The following WASHC2A variants were observed in gnomAD, a reference collection of about 807,000 sequenced individuals.
The protein encoded by WASHC2A is WASH complex subunit FAM21A.
In WASHC2A, 82 loss-of-function variants were observed where a neutral mutation model predicts 140.3. That is an observed-to-expected ratio of 0.58 (90% confidence interval 0.49 to 0.70). The LOEUF (loss-of-function observed/expected upper bound fraction) is 0.70, where lower values mean the gene tolerates loss of function less well. WASHC2A is among the 30% of genes least tolerant of loss of function. The pLI is 0.00. For synonymous variants in WASHC2A, 340 were observed against 560.8 expected, an observed-to-expected ratio of 0.61 and a Z score of 5.56; for missense variants, 985 against 1,521.8, an observed-to-expected ratio of 0.65 and a Z score of 5.87.
Position 50,090,841 on chromosome 10 carries a change from G to A in WASHC2A, c.798G>A (p.Glu266=). 1 of 1,611,650 alleles carries A rather than the reference G, an allele frequency of 6.2e-7. No individual in the cohort carries two copies. The highest frequency in any genetic ancestry group is 8.5e-7 in the Non-Finnish European group (1 of 1,179,816). ...GCTGTGACCTTTTCGCTGACTCTGAGAAGGAGGAGGAAGATATTGAGGACA... is the reference window on the plus strand; with the variant it reads ...GCTGTGACCTTTTCGCTGACTCTGAAAAGGAGGAGGAAGATATTGAGGACA... ...DDGCDLFADS[E]KEEEDIEDIE... Residue 266 remains glutamate, a synonymous_variant, in exon 9 of 31, where the codon GAG becomes GAA. Transcript: ENST00000282633.
At chr10:50,109,178 G>T (rs1370069295) in intron 19 of WASHC2A, among the ~76,000 whole-genome samples, 1 of 152,212 alleles carries the variant, frequency 6.6e-6, no homozygotes, top group Non-Finnish European at 1.5e-5. Context: ...ACTCCAGTTT[G>T]ATTTGCAAGA....
intron 15 of WASHC2A, 148 bp downstream of exon 15, chr10:50,095,926 A>G: frequency 2.3e-6 from 2 of 857,038 alleles, no homozygotes; most frequent in Non-Finnish European, 3.5e-6. Context: ...GTCTGTACTT[A>G]CATAGGTGTG....
At position 50,091,451 on chromosome 10, in the gene WASHC2A, G is replaced by A. The variant is rs1179774717; in HGVS notation, c.864G>A (p.Ser288=). 1.4e-5 allele frequency: 22 copies of A among 1,550,262 alleles called. No homozygotes were observed. Among genetic ancestry groups the A allele is most frequent in the Admixed American group, 7.8e-5 (4 of 51,000 alleles). ...TGTAGAAAAGAAGCAGACCTACATC[G>A]TTTGCAGATGAGCTGGCTGCCCGCA... ...NTRPKRSRPT[S]FADELAARIK... Residue 288 remains serine (S), a synonymous_variant, in exon 10 of 31, where the codon TCG becomes TCA. Coordinates refer to ENST00000282633, the MANE Select transcript of WASHC2A (RefSeq NM_001005751.3).
At chr10:50,072,266 G>T (rs1241041801) in intron 3 of WASHC2A, among the ~76,000 whole-genome samples, 1 of 150,390 alleles carries the variant, frequency 6.6e-6, no homozygotes, top group Admixed American at 6.7e-5. Flanking sequence ...GTTAAGTCTT[G>T]ATGCCCCTTC....
In WASHC2A at chr10:50,127,789, A is replaced by G. The variant is rs1843565034; in HGVS notation, c.3081A>G (p.Ala1027=). Residue 1027 remains alanine, a synonymous_variant, in exon 28 of 31, where the codon GCA becomes GCG. Transcript: ENST00000282633. ...CTCAGGCAGACACCTTACACAGTGC[A>G]AACAAGGTGATGAAACCATCTTTGC... is the stretch of plus-strand genomic sequence containing the variant. ...LPAQADTLHS[A]NKSRVKMRGK... is the part of the protein sequence containing the mutation. 1 of 1,474,200 alleles carries G rather than the reference A, an allele frequency of 6.8e-7. No homozygotes were observed. The highest frequency in any genetic ancestry group is 1.4e-5 in the African/African-American group (1 of 70,034). 91.3% of individuals were successfully genotyped at this position (1,474,200 alleles called of 1,614,324 possible). A position where few individuals can be genotyped will look rare whatever the true frequency, so the allele number is the denominator to read the frequency against.
At chr10:50,102,842 CAT>C (rs1841346108) in intron 17 of WASHC2A, among the ~76,000 whole-genome samples, 1 of 150,018 alleles carries the variant, frequency 6.7e-6, no homozygotes, top group South Asian at 2.1e-4. Context: ...TGTTTTATAA[CAT>C]TTTGAAAATT....
At chr10:50,088,085 C>T (rs1257285025) in intron 8 of WASHC2A, among the ~76,000 whole-genome samples, 1 of 151,808 alleles carries the variant, frequency 6.6e-6, no homozygotes, top group Non-Finnish European at 1.5e-5. Context: ...TCCCAAAATG[C>T]TGGGATTACA....
chr10:50,130,069 G>A (rs1843805681), intron 29 of WASHC2A, 30 bp downstream of exon 29: 5 of 1,611,428 alleles, frequency 3.1e-6, no homozygotes, highest in East Asian at 2.2e-5. Context: ...TTTTGTGTCT[G>A]TTCTAAGTTA....
At chr10:50,092,372 T>A in intron 11 of WASHC2A, 139 bp downstream of exon 11, 1 of 1,528,532 alleles carries the variant, frequency 6.5e-7, no homozygotes, top group Non-Finnish European at 8.8e-7. Context: ...TTCTAAAGCC[T>A]CTGGGCTGGG....
chr10:50,091,659 A>T (rs1839940764), intron 10 of WASHC2A, 141 bp downstream of exon 10: 11 of 999,128 alleles, frequency 1.1e-5, no homozygotes, highest in South Asian at 1.0e-4. Flanking sequence ...TTTAAATTGT[A>T]GCGCTTATTC....
rs369183254 is a variant in WASHC2A at position 50,098,914 on chromosome 10, C to T, written c.1549-1064C>T. Among the ~76,000 whole-genome samples the T allele has an allele frequency of 8.4e-4, 126 of 150,550 alleles. 2 individuals carry two copies. The East Asian group carries it at 0.024, about 29-fold the overall frequency. ...GTCCACTGTCTGCCTCATTCAGACA[C>T]GTTTGTCACTTGGTTGTTAGGGTGC... On this transcript the variant is annotated intron_variant, in intron 16 of 30. Coordinates refer to ENST00000282633, the MANE Select transcript of WASHC2A (RefSeq NM_001005751.3).
chr10:50,092,940 T>C (rs1253417609), intron 11 of WASHC2A, among the ~76,000 whole-genome samples: 3 of 143,352 alleles, frequency 2.1e-5, no homozygotes, highest in African/African-American at 7.7e-5. Context: ...TTCCCCCAGA[T>C]TGGTTGGGGA....
intron 3 of WASHC2A, among the ~76,000 whole-genome samples, chr10:50,072,588 G>A (rs1172011634): frequency 1.5e-5 from 2 of 137,134 alleles, no homozygotes; most frequent in Admixed American, 8.3e-5. Flanking sequence ...CCGGGTTCAC[G>A]CCATTCTCCT....
intron 23 of WASHC2A, among the ~76,000 whole-genome samples, chr10:50,121,805 A>G (rs1308765909): frequency 1.3e-5 from 2 of 148,590 alleles, no homozygotes; most frequent in Non-Finnish European, 2.9e-5. Flanking sequence ...AATTTAGCAA[A>G]AGAAGTACAA....
At position 50,130,821 on chromosome 10, in the gene WASHC2A, T is replaced by C. The variant is rs1292102256; in HGVS notation, c.3709-80T>C. 3.8e-6 allele frequency: 6 copies of C among 1,599,174 alleles called. No homozygotes were observed. The South Asian group carries it at 5.6e-5, about 15-fold the overall frequency. ...TCCACACACCCTGGCCAATTGTATT[T>C]CCATAGCTCGTTGTTGTGTTTGAGC... is the stretch of plus-strand genomic sequence containing the variant. On this transcript the variant is annotated intron_variant, in intron 29 of 30. Transcript: ENST00000282633.
chr10:50,079,228 T>C (rs1401209817), intron 4 of WASHC2A, among the ~76,000 whole-genome samples: 1 of 151,454 alleles, frequency 6.6e-6, no homozygotes, highest in Non-Finnish European at 1.5e-5. Flanking sequence ...GATTTTGTTC[T>C]CATTTATTCA....
intron 28 of WASHC2A, 67 bp downstream of exon 28, chr10:50,127,862 G>A: frequency 1.3e-6 from 1 of 756,710 alleles, no homozygotes; most frequent in Non-Finnish European, 2.2e-6. Flanking sequence ...CTTCTTTCTA[G>A]TTTATCAGTT....
intron 25 of WASHC2A, 104 bp from the exon 26 acceptor site, chr10:50,125,953 A>G: frequency 1.4e-6 from 2 of 1,438,202 alleles, no homozygotes; most frequent in Non-Finnish European, 1.9e-6. Context: ...CATTTGAGAA[A>G]GTATTTTTAA....
Position 50,128,680 on chromosome 10 carries a change from T to C in WASHC2A, c.3088-739T>C, listed in dbSNP as rs191637429. 3.0e-3 allele frequency among the ~76,000 whole-genome samples: 452 copies of C among 152,246 alleles called. 10 individuals are homozygous for C. The highest frequency in any genetic ancestry group is 0.028 in the Admixed American group (431 of 15,270). On this transcript the variant is annotated intron_variant, in intron 28 of 30. Coordinates refer to ENST00000282633, the MANE Select transcript of WASHC2A (RefSeq NM_001005751.3). ...TGGCTTTTTTTTAGTTAAGTTTAAATTGGCAACTAAAATTGTGACATTCCC... is the reference window on the plus strand; with the variant it reads ...TGGCTTTTTTTTAGTTAAGTTTAAACTGGCAACTAAAATTGTGACATTCCC...
Sources: allele counts gnomAD v4.1 joint callset (sites outside exome capture counted in the v4.1 genomes callset), GRCh38; gene constraint gnomAD v4.1.1; transcripts MANE v1.5; gene names NCBI Gene and HGNC (gene_info 2026-07-23, HGNC 2026-07-21).